The following NUP210L variants were observed in gnomAD, a reference collection of about 807,000 sequenced individuals.
The protein encoded by NUP210L is nuclear pore membrane glycoprotein 210-like.
NUP210L carries 74 observed loss-of-function variants against 208.5 expected under a neutral mutation model. That is an observed-to-expected ratio of 0.35 (90% CI 0.29 to 0.43). The LOEUF is 0.43. Among genes scored for constraint, NUP210L ranks in the 20% least tolerant of loss-of-function variants. The probability of loss-of-function intolerance (pLI) is 1.00; values close to 1 mark genes in which losing one functional copy is unlikely to be tolerated. For missense variants in NUP210L, 1,843 were observed against 2,289.4 expected, an observed-to-expected ratio of 0.81 and a Z score of 3.98; for synonymous variants, 780 against 816.9, an observed-to-expected ratio of 0.95 and a Z score of 0.77.
At chr1:154,154,709 T>C (rs1659605854) in intron 1 of NUP210L, 133 bp downstream of exon 1, 1 of 698,094 alleles carries the variant, frequency 1.4e-6, no homozygotes, top group Non-Finnish European at 2.5e-6. Flanking sequence ...GACACCACAC[T>C]CTCCTCCCCT....
At chr1:154,000,788 G>A in intron 37 of NUP210L, 68 bp downstream of exon 37, 1 of 1,347,888 alleles carries the variant, frequency 7.4e-7, no homozygotes, top group Non-Finnish European at 1.1e-6. Context: ...GCAGATGGGG[G>A]GTACTAATGT....
intron 29 of NUP210L, among the ~76,000 whole-genome samples, chr1:154,025,952 G>C (rs1431501633): frequency 2.0e-5 from 3 of 152,002 alleles, no homozygotes; most frequent in Non-Finnish European, 4.4e-5. Flanking sequence ...GCCGGGTGTG[G>C]TGGCTCATGT....
intron 16 of NUP210L, among the ~76,000 whole-genome samples, chr1:154,077,708 G>T (rs964617548): frequency 3.9e-5 from 6 of 152,094 alleles, no homozygotes; most frequent in African/African-American, 1.4e-4. Flanking sequence ...TATATGGCCG[G>T]GTGCGGTGGT....
At chr1:154,061,726 G>A (rs79241502) in intron 17 of NUP210L, 52 bp from the exon 18 acceptor site, 15 of 1,134,064 alleles carry the variant, frequency 1.3e-5, no homozygotes, top group South Asian at 5.4e-5. Context: ...TGTAGAATAC[G>A]CAAGTGTTTC....
At chr1:154,045,434 C>T (rs1321279597) in intron 27 of NUP210L, among the ~76,000 whole-genome samples, 1 of 152,038 alleles carries the variant, frequency 6.6e-6, no homozygotes, top group Non-Finnish European at 1.5e-5. Context: ...CATAGTGTTA[C>T]TCATCTAACA....
chr1:154,007,551 C>T (rs143706690), intron 35 of NUP210L, among the ~76,000 whole-genome samples: 13 of 151,200 alleles, frequency 8.6e-5, no homozygotes, highest in East Asian at 2.0e-4. Context: ...CGTGAGTCAT[C>T]GCACCTGGCC....
chr1:154,138,133 C>T, exon 6 of NUP210L: 1 of 1,503,196 alleles, frequency 6.7e-7, no homozygotes, highest in Middle Eastern at 1.8e-4. Context: ...ACCATTTTTG[C>T]AACTTGGTAT....
At chr1:154,095,203 A>G (rs751057786) in intron 14 of NUP210L, 47 bp from the exon 15 acceptor site, 3 of 1,401,668 alleles carry the variant, frequency 2.1e-6, no homozygotes, top group South Asian at 1.2e-5. Flanking sequence ...AGGGAATTCA[A>G]TAATTTTCTA....
chr1:154,106,317 T>C (rs1461326281), intron 12 of NUP210L, among the ~76,000 whole-genome samples: 1 of 152,132 alleles, frequency 6.6e-6, no homozygotes, highest in Non-Finnish European at 1.5e-5. Context: ...TCTTGCAGCT[T>C]GGGTGCCAGC....
intron 35 of NUP210L, among the ~76,000 whole-genome samples, chr1:154,006,217 C>T (rs1009588933): frequency 6.6e-6 from 1 of 152,072 alleles, no homozygotes; most frequent in African/African-American, 2.4e-5. Flanking sequence ...CTTGCTCTGT[C>T]ACCAAGGCTA....
chr1:154,064,232 G>A (rs1012171066), intron 17 of NUP210L, among the ~76,000 whole-genome samples: 1 of 151,736 alleles, frequency 6.6e-6, no homozygotes, highest in African/African-American at 2.4e-5. Flanking sequence ...AGTGAATCAT[G>A]CCTGCTGGTA....
chr1:154,055,129 TTCTTTC>T (rs1557944005), intron 23 of NUP210L, among the ~76,000 whole-genome samples: 2 of 56,978 alleles, frequency 3.5e-5, no homozygotes, highest in African/African-American at 1.3e-4. Context: ...TTTCTTTTCT[TTCTTTC>T]TTTCTTTCTT....
At position 154,022,445 on chromosome 1, in the gene NUP210L, G is replaced by T; in HGVS notation, c.4299-102C>A. 3.4e-6 allele frequency: 3 copies of T among 876,558 alleles called. No individual in the cohort carries two copies. The Admixed American group carries it at 6.2e-5, about 18-fold the overall frequency. 54.3% of individuals were successfully genotyped at this position (876,558 alleles called of 1,614,324 possible). On this transcript the variant is annotated intron_variant, in intron 31 of 39. Coordinates refer to ENST00000368559, the Ensembl canonical transcript of NUP210L. ...ACATTTTATATTCAACAGCTCAGAAGTTCAGAAGGAATTCCACAATAAAGA... is the reference window on the plus strand; with the variant it reads ...ACATTTTATATTCAACAGCTCAGAATTTCAGAAGGAATTCCACAATAAAGA...
intron 16 of NUP210L, chr1:154,079,337 T>C (rs370833265): frequency 2.6e-5 from 4 of 151,832 alleles, no homozygotes; most frequent in African/African-American, 9.7e-5. Flanking sequence ...TTGCCCAGGC[T>C]AGGAGCAAAC....
chr1:154,131,609 TG>T (rs1460657094), intron 7 of NUP210L, among the ~76,000 whole-genome samples: 1 of 152,108 alleles, frequency 6.6e-6, no homozygotes, highest in Non-Finnish European at 1.5e-5. Context: ...CAAACTTATT[TG>T]TTTTTGTCCT....
chr1:154,055,611 G>C (rs1449893278), intron 23 of NUP210L, among the ~76,000 whole-genome samples: 2 of 151,940 alleles, frequency 1.3e-5, no homozygotes, highest in Non-Finnish European at 2.9e-5. Flanking sequence ...ACCCAGGGTG[G>C]TCTCAAACTC....
intron 10 of NUP210L, among the ~76,000 whole-genome samples, chr1:154,122,743 G>A (rs1264053225): frequency 6.6e-6 from 1 of 152,070 alleles, no homozygotes; most frequent in Non-Finnish European, 1.5e-5. Flanking sequence ...GTAACATGGT[G>A]CAGCTACTGT....
chr1:154,133,676 TA>T (rs978199748), intron 7 of NUP210L, among the ~76,000 whole-genome samples: 1 of 150,866 alleles, frequency 6.6e-6, no homozygotes, highest in African/African-American at 2.4e-5. Flanking sequence ...CTTGTGTCTA[TA>T]AAAAAATACA....
chr1:154,032,937 CAAAA>C (rs1487736705), intron 27 of NUP210L, among the ~76,000 whole-genome samples: 1 of 94,050 alleles, frequency 1.1e-5, no homozygotes, highest in African/African-American at 5.9e-5. Flanking sequence ...GACTACATCT[CAAAA>C]GAAAGAAAGA....
Sources: allele counts gnomAD v4.1 joint callset (sites outside exome capture counted in the v4.1 genomes callset), GRCh38; gene constraint gnomAD v4.1.1; transcripts MANE v1.5; gene names NCBI Gene and HGNC (gene_info 2026-07-23, HGNC 2026-07-21).